The following GALNTL6 variants were observed in gnomAD, a reference collection of about 807,000 sequenced individuals.
GALNTL6 encodes the protein polypeptide N-acetylgalactosaminyltransferase-like 6.
In GALNTL6, 46 loss-of-function variants were observed where a neutral mutation model predicts 73.7. That is an observed-to-expected ratio of 0.62 (90% CI 0.49 to 0.80). GALNTL6 has a LOEUF of 0.80. Ranked by LOEUF, GALNTL6 falls within the 30% of genes least tolerant of loss-of-function variation. GALNTL6 has a pLI of 0.00. For synonymous variants in GALNTL6, 259 were observed against 263.7 expected (o/e 0.98, Z 0.17); for missense variants, 604 against 755.0 (o/e 0.80, Z 2.34).
chr4:172,929,635 T>C (rs2111314757), intron 8 of GALNTL6, among the ~76,000 whole-genome samples: 2 of 152,250 alleles, frequency 1.3e-5, no homozygotes, highest in Middle Eastern at 6.8e-3. Context: ...ATCGACATCA[T>C]GGAAGGTAAT....
rs183833588 is a variant in GALNTL6, at chr4:172,221,008, T to C, written c.139-8648T>C. 2.6e-3 allele frequency among the ~76,000 whole-genome samples: 395 copies of C among 152,004 alleles called. 1 individual carries two copies. Among genetic ancestry groups the C allele is most frequent in the African/African-American group, 9.2e-3 (381 of 41,546 alleles). On this transcript the variant is annotated intron_variant, in intron 2 of 12. Coordinates refer to ENST00000506823, the MANE Select transcript of GALNTL6 (RefSeq NM_001034845.3). Reference sequence around the variant, plus strand: ...ATGCTATTATCCAATCATTTCTTAATTGCATGCTAATTTTATATACTCAGT... The same window carrying C: ...ATGCTATTATCCAATCATTTCTTAACTGCATGCTAATTTTATATACTCAGT...
chr4:173,039,557 G>A (rs1435996306), intron 12 of GALNTL6, among the ~76,000 whole-genome samples: 1 of 152,114 alleles, frequency 6.6e-6, no homozygotes, highest in Non-Finnish European at 1.5e-5. Context: ...TTCCCAGATA[G>A]CTACATTATT....
intron 2 of GALNTL6, among the ~76,000 whole-genome samples, chr4:172,194,907 G>A (rs1179457750): frequency 6.6e-6 from 1 of 152,120 alleles, no homozygotes; most frequent in Non-Finnish European, 1.5e-5. Flanking sequence ...AAAATAGCCA[G>A]CTAGTATCAT....
intron 9 of GALNTL6, among the ~76,000 whole-genome samples, chr4:172,944,885 GTC>G (rs1749084439): frequency 6.6e-6 from 1 of 151,632 alleles, no homozygotes; most frequent in African/African-American, 2.4e-5. Context: ...GTGAAACCCC[GTC>G]TCTACTAAAA....
At chr4:172,900,878 A>G (rs981433241) in intron 8 of GALNTL6, among the ~76,000 whole-genome samples, 5 of 152,208 alleles carry the variant, frequency 3.3e-5, no homozygotes, top group African/African-American at 1.2e-4. Flanking sequence ...TGCAAAATAT[A>G]TATTTTGCAT....
At chr4:172,178,384 G>T (rs990135723) in intron 2 of GALNTL6, among the ~76,000 whole-genome samples, 9 of 152,154 alleles carry the variant, frequency 5.9e-5, no homozygotes, top group Middle Eastern at 3.4e-3. Context: ...CCTGTAATCT[G>T]CATTAGGCTT....
At chr4:172,966,485 C>T (rs1273006924) in intron 10 of GALNTL6, among the ~76,000 whole-genome samples, 1 of 151,964 alleles carries the variant, frequency 6.6e-6, no homozygotes, top group Non-Finnish European at 1.5e-5. Flanking sequence ...ACCTCTGCCT[C>T]CCGAGTTCAA....
chr4:172,387,765 G>T (rs1335648309), intron 5 of GALNTL6, among the ~76,000 whole-genome samples: 1 of 151,992 alleles, frequency 6.6e-6, no homozygotes, highest in Non-Finnish European at 1.5e-5. Context: ...ACCTTCTTCT[G>T]CCAAGTCTAC....
chr4:172,175,909 A>G (rs887314134), intron 2 of GALNTL6, among the ~76,000 whole-genome samples: 2 of 152,284 alleles, frequency 1.3e-5, no homozygotes, highest in South Asian at 2.1e-4. Flanking sequence ...TACAGGTGTT[A>G]TAAAAATCAA....
At chr4:172,920,894 C>T (rs1747755902) in intron 8 of GALNTL6, among the ~76,000 whole-genome samples, 1 of 152,118 alleles carries the variant, frequency 6.6e-6, no homozygotes, top group South Asian at 2.1e-4. Flanking sequence ...GGATACATCA[C>T]TTAATGAACA....
intron 9 of GALNTL6, among the ~76,000 whole-genome samples, chr4:172,941,067 A>C (rs1340057322): frequency 1.3e-5 from 2 of 152,194 alleles, no homozygotes; most frequent in East Asian, 1.9e-4. Context: ...ATTCTTCCCA[A>C]CATTAAGGAA....
At chr4:172,563,819 T>A (rs1230524733) in intron 5 of GALNTL6, among the ~76,000 whole-genome samples, 2 of 152,212 alleles carry the variant, frequency 1.3e-5, no homozygotes, top group Non-Finnish European at 2.9e-5. Context: ...TGGAAGACCA[T>A]TTCTCCAAAT....
At chr4:172,227,514 A>G (rs765318) in intron 2 of GALNTL6, among the ~76,000 whole-genome samples, 88,075 of 151,916 alleles carry the variant, frequency 0.58, 25,864 homozygotes, top group East Asian at 0.86. Flanking sequence ...GAAGAGTCTA[A>G]CTGCCCCTTA....
rs553229436 is a variant in GALNTL6, at chr4:171,908,486, G to A, written c.138+93768G>A. Among the ~76,000 whole-genome samples the A allele has an allele frequency of 7.8e-4, 118 of 152,168 alleles. 1 individual carries two copies. In the Middle Eastern group the frequency reaches 0.02, roughly 26 times the overall value. On this transcript the variant is annotated intron_variant, in intron 2 of 12. Coordinates refer to ENST00000506823, the MANE Select transcript of GALNTL6 (RefSeq NM_001034845.3). ...CAGTTAGAATGGCAATCATTAAAAA[G>A]GCAGGAAACAAGTGCTGGAGAGGAT...
At chr4:171,961,390 C>A (rs577464575) in intron 2 of GALNTL6, among the ~76,000 whole-genome samples, 1 of 152,210 alleles carries the variant, frequency 6.6e-6, no homozygotes, top group African/African-American at 2.4e-5. Context: ...TTACCCAACT[C>A]ATAGGTATTT....
chr4:172,868,864 A>G lies in GALNTL6; in HGVS notation c.924-13926A>G, dbSNP rs116962519. On this transcript the variant is annotated intron_variant, in intron 7 of 12. Coordinates refer to ENST00000506823, the MANE Select transcript of GALNTL6 (RefSeq NM_001034845.3). The stretch of plus-strand genomic sequence containing the variant: ...TCTTTCCTTTTCACTTTTCTTTCCT[A>G]TTTTTAATCCTGGGACTGGAGGGCA... Among the ~76,000 whole-genome samples, 35 of 152,224 alleles carry G rather than the reference A, an allele frequency of 2.3e-4. No individual in the cohort carries two copies. In the East Asian group the frequency reaches 6.6e-3, roughly 29 times the overall value.
intron 2 of GALNTL6, among the ~76,000 whole-genome samples, chr4:171,844,413 T>G (rs1314325876): frequency 6.6e-6 from 1 of 152,180 alleles, no homozygotes; most frequent in African/African-American, 2.4e-5. Flanking sequence ...ATTATTTTCT[T>G]GGGAAACCCT....
chr4:172,337,506 C>G (rs1741379828), intron 4 of GALNTL6, among the ~76,000 whole-genome samples: 1 of 152,034 alleles, frequency 6.6e-6, no homozygotes, highest in Admixed American at 6.5e-5. Flanking sequence ...GATTATATGT[C>G]TGGAAAATGT....
At chr4:172,109,894 A>T (rs1274671036) in intron 2 of GALNTL6, among the ~76,000 whole-genome samples, 1 of 152,240 alleles carries the variant, frequency 6.6e-6, no homozygotes, top group African/African-American at 2.4e-5. Flanking sequence ...AACAGTTAAA[A>T]GGGAAATAAA....
Sources: allele counts gnomAD v4.1 joint callset (sites outside exome capture counted in the v4.1 genomes callset), GRCh38; gene constraint gnomAD v4.1.1; transcripts MANE v1.5; gene names NCBI Gene and HGNC (gene_info 2026-07-23, HGNC 2026-07-21).